Variants in FRMD6 observed in about 807,000 individuals in gnomAD.
FRMD6 encodes FERM domain containing 6, also known as FERM domain-containing protein 6.
A neutral mutation model predicts 73.2 loss-of-function variants in FRMD6; 37 were observed. The observed-to-expected ratio is 0.51, with a 90% CI of 0.39 to 0.66. FRMD6 has a LOEUF of 0.66. Among genes scored for constraint, FRMD6 ranks in the 30% least tolerant of loss-of-function variants. FRMD6 has a pLI of 0.00. For missense variants in FRMD6, 714 were observed against 780.5 expected, an observed-to-expected ratio of 0.91 and a Z score of 1.02; for synonymous variants, 273 against 282.2, an observed-to-expected ratio of 0.97 and a Z score of 0.33.
chr14:51,605,726 A>G (rs1890231040), intron 2 of FRMD6, among the ~76,000 whole-genome samples: 1 of 152,282 alleles, frequency 6.6e-6, no homozygotes, highest in East Asian at 1.9e-4. Context: ...TATCATTGGA[A>G]ATGGTATGTG....
intron 2 of FRMD6, among the ~76,000 whole-genome samples, chr14:51,630,943 CAA>C (rs1017948700): frequency 5.9e-5 from 9 of 152,258 alleles, no homozygotes; most frequent in African/African-American, 2.2e-4. Context: ...ATGCATACTT[CAA>C]ACCCTGAGGA....
At chr14:51,655,907 A>G (rs1053730677) in intron 1 of FRMD6, among the ~76,000 whole-genome samples, 1 of 152,134 alleles carries the variant, frequency 6.6e-6, no homozygotes, top group East Asian at 1.9e-4. Flanking sequence ...TATCCCGTAC[A>G]CTCCAAAAGC....
At chr14:51,708,278 C>G (rs1425440736) in intron 7 of FRMD6, 45 bp downstream of exon 7, 2 of 1,560,178 alleles carry the variant, frequency 1.3e-6, no homozygotes, top group South Asian at 2.3e-5. Context: ...AAAAAAACAT[C>G]TTCTCAATAG....
At chr14:51,651,482 G>A (rs1892372374), upstream of FRMD6, 1 of 152,280 alleles carries the variant, frequency 6.6e-6, no homozygotes, top group African/African-American at 2.4e-5. Context: ...AGGGAGTCCA[G>A]CCGGAGGCGG....
chr14:51,679,419 A>G (rs1306602502), intron 1 of FRMD6, among the ~76,000 whole-genome samples: 1 of 151,054 alleles, frequency 6.6e-6, no homozygotes, highest in African/African-American at 2.4e-5. Context: ...AGAGAGAACA[A>G]ATAATACAGA....
intron 1 of FRMD6, 144 bp from the exon 2 acceptor site, chr14:51,689,547 C>G: frequency 2.8e-6 from 1 of 360,424 alleles, no homozygotes; most frequent in Non-Finnish European, 5.2e-6. Context: ...CAGTGAGTTC[C>G]CATGTATTAA....
chr14:51,518,500 G>C (rs1884769267), intron 1 of FRMD6, among the ~76,000 whole-genome samples: 1 of 152,154 alleles, frequency 6.6e-6, no homozygotes, highest in South Asian at 2.1e-4. Context: ...AATGTTCCCT[G>C]TAACTTTCTC....
chr14:51,636,529 T>C (rs897123657), intron 2 of FRMD6, among the ~76,000 whole-genome samples: 1 of 152,240 alleles, frequency 6.6e-6, no homozygotes, highest in Non-Finnish European at 1.5e-5. Context: ...GTGTTGAAGA[T>C]GGCTCAGGAA....
chr14:51,487,146 G>C (rs776690943), upstream of FRMD6, among the ~76,000 whole-genome samples: 4 of 152,156 alleles, frequency 2.6e-5, no homozygotes, highest in East Asian at 1.9e-4. Context: ...CTGCTCTAGC[G>C]TGTACAGTGT....
chr14:51,667,533 C>G (rs1420511009), intron 1 of FRMD6, among the ~76,000 whole-genome samples: 1 of 152,276 alleles, frequency 6.6e-6, no homozygotes, highest in South Asian at 2.1e-4. Flanking sequence ...CTTAACCCAT[C>G]TAAATATAGT....
chr14:51,402,896 C>T, the FRMD6 span, among the ~76,000 whole-genome samples: 1 of 152,108 alleles, frequency 6.6e-6, no homozygotes, highest in Non-Finnish European at 1.5e-5. Context: ...CCTCAGCCTC[C>T]CAAAGTGCTG....
chr14:51,585,939 G>GTATATATATATA lies in FRMD6; in HGVS notation c.-147+15540_-147+15551dup, dbSNP rs3060587. On this transcript the variant is annotated intron_variant, in intron 2 of 14. Transcript: ENST00000356218. ...TGCCATGGCATGTGTGTGTGTGTGT[G>GTATATATATATA]TATATATATATATATATATATAACA... Among the ~76,000 whole-genome samples the GTATATATATATA allele has an allele frequency of 1.7e-3, 52 of 31,412 alleles. 5 individuals carry two copies. Among genetic ancestry groups the GTATATATATATA allele is most frequent in the African/African-American group, 3.1e-3 (46 of 14,640 alleles). The allele number at this position is 31,412 out of a possible 152,430, so 20.6% of individuals were successfully genotyped here.
chr14:51,421,975 C>T, the FRMD6 span, among the ~76,000 whole-genome samples: 1 of 152,210 alleles, frequency 6.6e-6, no homozygotes, highest in African/African-American at 2.4e-5. Flanking sequence ...TAGCCTCATC[C>T]ATCTCACAGC....
intron 1 of FRMD6, among the ~76,000 whole-genome samples, chr14:51,664,009 G>A (rs1893405921): frequency 6.6e-6 from 1 of 152,180 alleles, no homozygotes; most frequent in South Asian, 2.1e-4. Context: ...TATTGCATCG[G>A]GGATTAAGTT....
chr14:51,501,980 G>A (rs1403107543), intron 1 of FRMD6, among the ~76,000 whole-genome samples: 2 of 152,188 alleles, frequency 1.3e-5, no homozygotes, highest in Admixed American at 6.5e-5. Flanking sequence ...GCTCAGTGAT[G>A]TTGATCTTCT....
At chr14:51,719,660 C>T (rs888095595) in intron 10 of FRMD6, among the ~76,000 whole-genome samples, 25 of 152,162 alleles carry the variant, frequency 1.6e-4, no homozygotes, top group Non-Finnish European at 7.4e-5. Flanking sequence ...TGGATACTTT[C>T]GCAAAATACA....
rs551011034 is a variant in FRMD6, at chr14:51,495,039, T to C, written c.-210+5619T>C. On this transcript the variant is annotated intron_variant, in intron 1 of 14. Transcript: ENST00000356218. The stretch of plus-strand genomic sequence containing the variant: ...ATTTCTCTCTTCTCACATTTTAGTA[T>C]AGTCAGCCAGGAGAAGCCAAACCAT... 9.2e-5 allele frequency among the ~76,000 whole-genome samples: 14 copies of C among 152,336 alleles called. No individual in the cohort carries two copies. The South Asian group carries it at 2.7e-3, about 29-fold the overall frequency.
intron 2 of FRMD6, among the ~76,000 whole-genome samples, chr14:51,624,161 G>A (rs1350060524): frequency 1.3e-5 from 2 of 152,180 alleles, no homozygotes; most frequent in Non-Finnish European, 2.9e-5. Flanking sequence ...CAGGGGATGG[G>A]AGGAGGGAGA....
At chr14:51,679,076 G>A (rs1245445401) in intron 1 of FRMD6, among the ~76,000 whole-genome samples, 1 of 152,088 alleles carries the variant, frequency 6.6e-6, no homozygotes, top group Non-Finnish European at 1.5e-5. Context: ...AACTGTTAAA[G>A]AATGTGAGCA....
Sources: gnomAD v4.1 joint callset for allele counts (sites outside exome capture counted in the v4.1 genomes callset) on GRCh38, gnomAD v4.1.1 for gene constraint, MANE v1.5 for transcripts, NCBI Gene and HGNC (gene_info 2026-07-23, HGNC 2026-07-21) for gene names.